Variants in EP400 observed in about 807,000 individuals in gnomAD.
EP400 encodes the protein E1A-binding protein p400.
Under a neutral mutation model 354.1 loss-of-function variants are expected in EP400, and 105 were observed. The observed-to-expected ratio is 0.30, with a 90% confidence interval of 0.25 to 0.35. EP400 has a LOEUF of 0.35. Among genes scored for constraint, EP400 ranks in the 10% least tolerant of loss-of-function variants. The pLI is 1.00. For synonymous variants in EP400, 1,646 were observed against 1,716.9 expected (o/e 0.96, Z 1.02); for missense variants, 3,280 against 4,121.0 (o/e 0.80, Z 5.59).
intron 2 of EP400, among the ~76,000 whole-genome samples, chr12:131,977,731 T>C (rs1278762986): frequency 6.6e-6 from 1 of 152,170 alleles, no homozygotes. Flanking sequence ...TTCTTTCCTT[T>C]TCCATCTTGG....
intron 48 of EP400, 103 bp from the exon 49 acceptor site, chr12:132,066,671 C>T: frequency 8.0e-7 from 1 of 1,246,690 alleles, no homozygotes; most frequent in Non-Finnish European, 1.1e-6. Context: ...CTTTGTTGAT[C>T]TTTGTAAATT....
intron 1 of EP400, among the ~76,000 whole-genome samples, chr12:131,960,306 C>T (rs1422902458): frequency 3.3e-5 from 5 of 152,324 alleles, no homozygotes; most frequent in South Asian, 2.1e-4. Flanking sequence ...TCTCTCCAAG[C>T]GCCCACACAA....
intron 45 of EP400, among the ~76,000 whole-genome samples, chr12:132,059,747 T>G (rs1261545167): frequency 6.6e-6 from 1 of 152,004 alleles, no homozygotes; most frequent in Non-Finnish European, 1.5e-5. Context: ...GGGCGTGGTG[T>G]CTCAACGCCT....
chr12:132,028,632 A>G (rs1412471791), intron 27 of EP400, among the ~76,000 whole-genome samples: 1 of 152,208 alleles, frequency 6.6e-6, no homozygotes, highest in Non-Finnish European at 1.5e-5. Context: ...GAGCCCCATG[A>G]GTGAGTGAAC....
intron 11 of EP400, among the ~76,000 whole-genome samples, chr12:131,993,337 C>G (rs1019546800): frequency 3.3e-5 from 5 of 152,108 alleles, no homozygotes; most frequent in African/African-American, 1.2e-4. Context: ...GTGCTGAATT[C>G]TAGATAGTAC....
Position 132,050,296 on chromosome 12 carries a change from G to C in EP400, c.7201-27G>C, listed in dbSNP as rs183538077. ...CCGTCTGTCCATGCTGCCTAATTCA[G>C]ATGCACTCTCGTCAATTTCATTGCA... On this transcript the variant is annotated intron_variant, in intron 39 of 52. Coordinates refer to ENST00000389561, the MANE Select transcript of EP400 (RefSeq NM_015409.5). The surrounding 1 kb of genome is among the most constrained non-coding windows in gnomAD (Gnocchi z 4.8). 944 of 1,613,456 alleles carry C rather than the reference G, an allele frequency of 5.9e-4. 1 individual carries two copies. Among genetic ancestry groups the C allele is most frequent in the Non-Finnish European group, 6.7e-4 (787 of 1,179,652 alleles).
chr12:132,016,331 G>A lies in EP400; in HGVS notation c.3924-1204G>A, dbSNP rs975995214. ...TGTGTGGGGACTCAGGACTCCAGGC[G>A]CCGTCTCTCCTGTGGAGCCCTCCTG... On this transcript the variant is annotated intron_variant, in intron 19 of 52. Transcript: ENST00000389561. Among the ~76,000 whole-genome samples, 7 of 152,170 alleles carry A rather than the reference G, an allele frequency of 4.6e-5. 1 individual carries two copies. Among genetic ancestry groups the A allele is most frequent in the South Asian group, 4.2e-4 (2 of 4,794 alleles).
intron 2 of EP400, chr12:131,963,591 G>C (rs1332582547): frequency 6.3e-7 from 1 of 1,598,312 alleles, no homozygotes; most frequent in Non-Finnish European, 8.5e-7. Flanking sequence ...TAGCAACCCA[G>C]CTTCCGCCAA....
At chr12:131,963,708 C>T in intron 2 of EP400, 4 of 1,244,490 alleles carry the variant, frequency 3.2e-6, no homozygotes, top group Admixed American at 2.1e-5. Flanking sequence ...ATATTTTAAC[C>T]TTCGATATAC....
chr12:132,006,289 G>A lies in EP400; in HGVS notation c.3113G>A (p.Arg1038Gln). 1 of 1,614,136 alleles carries A rather than the reference G, an allele frequency of 6.2e-7. No individual in the cohort carries two copies. The highest frequency in any genetic ancestry group is 8.5e-7 in the Non-Finnish European group (1 of 1,180,002). ...GCCATCCTGCCGAAGGGCAGTGCTC[G>A]GGTCACAACCTCGGTGAGGCGCTAA... The part of the protein sequence containing the change: ...AEAILPKGSA[R>Q]VTTSVKFNAP... Residue 1038 changes from arginine to glutamine, a missense_variant, in exon 14 of 53, where the codon CGG becomes CAG. Coordinates refer to ENST00000389561, the MANE Select transcript of EP400 (RefSeq NM_015409.5).
At chr12:131,963,615 T>C in intron 2 of EP400, 9 of 1,598,294 alleles carry the variant, frequency 5.6e-6, no homozygotes, top group Non-Finnish European at 6.8e-6. Flanking sequence ...TTTCTGCTGC[T>C]TTTTCATCCC....
At chr12:132,008,396 T>C (rs758206192) in intron 15 of EP400, among the ~76,000 whole-genome samples, 1 of 152,248 alleles carries the variant, frequency 6.6e-6, no homozygotes, top group Non-Finnish European at 1.5e-5. Context: ...ACTTCTGAGC[T>C]TCATATTTTC....
At chr12:131,974,258 C>T (rs1165716866) in intron 2 of EP400, among the ~76,000 whole-genome samples, 2 of 152,038 alleles carry the variant, frequency 1.3e-5, no homozygotes, top group East Asian at 1.9e-4. Context: ...GGATTACAGG[C>T]GTGAGCCACC....
Position 132,031,439 on chromosome 12 carries a change from G to A in EP400, c.5755-514G>A, listed in dbSNP as rs186469288. The A allele has an allele frequency of 1.5e-3, 744 of 509,400 alleles. 1 individual carries two copies. The highest frequency in any genetic ancestry group is 2.2e-3 in the Non-Finnish European group (572 of 254,680). The allele number at this position is 509,400 out of a possible 1,614,324, so 31.6% of individuals were successfully genotyped here. On this transcript the variant is annotated intron_variant, in intron 29 of 52. Coordinates refer to ENST00000389561, the MANE Select transcript of EP400 (RefSeq NM_015409.5). ...TTAAACTGTGCATGAGGGTGTTGGC[G>A]ATGGGTGAGCGTAAGATGATAGTGG...
intron 39 of EP400, among the ~76,000 whole-genome samples, chr12:132,048,519 ATTTTTTT>A (rs35268260): frequency 3.0e-5 from 4 of 133,602 alleles, no homozygotes; most frequent in Non-Finnish European, 6.4e-5. Context: ...TTTGAGAGTG[ATTTTTTT>A]TTTTTTTTTT....
Position 132,037,987 on chromosome 12 carries a change from C to T in EP400, c.6098C>T (p.Pro2033Leu). The T allele has an allele frequency of 1.2e-6, 2 of 1,614,188 alleles. No homozygotes were observed. Among genetic ancestry groups the T allele is most frequent in the South Asian group, 1.1e-5 (1 of 91,078 alleles). Residue 2033 changes from proline (P) to leucine (L), a missense_variant, in exon 32 of 53, where the codon CCC becomes CTC. Physicochemically the swap from Pro to Leu is moderately conservative, Grantham distance 98. Coordinates refer to ENST00000389561, the MANE Select transcript of EP400 (RefSeq NM_015409.5). ...CAGGAGCTGTTTGAAGTTTATTCTC[C>T]CATGGATGATGCTGGCTTCCCGGTC... Reference protein sequence around the residue: ...TIQELFEVYSPMDDAGFPVKA... With the variant: ...TIQELFEVYSLMDDAGFPVKA...
intron 1 of EP400, among the ~76,000 whole-genome samples, chr12:131,950,264 C>G (rs1478100415): frequency 2.0e-5 from 3 of 152,074 alleles, no homozygotes; most frequent in Admixed American, 2.0e-4. Flanking sequence ...GCCCGTCCCC[C>G]GCAGGTCGCG....
At chr12:132,056,052 G>T (rs979986570) in intron 45 of EP400, among the ~76,000 whole-genome samples, 6 of 151,940 alleles carry the variant, frequency 3.9e-5, no homozygotes, top group African/African-American at 1.5e-4. Context: ...GGTAGGTGCA[G>T]CCCACCCAGG....
chr12:131,952,314 AAAAAAAAAAAAG>A (rs1476817820), intron 1 of EP400, among the ~76,000 whole-genome samples: 1 of 149,314 alleles, frequency 6.7e-6, no homozygotes, highest in Non-Finnish European at 1.5e-5. Flanking sequence ...AAAAAAAAAA[AAAAAAAAAAAAG>A]AAAAAGAAAT....
Sources: allele counts gnomAD v4.1 joint callset (sites outside exome capture counted in the v4.1 genomes callset), GRCh38; gene constraint gnomAD v4.1.1; non-coding constraint Gnocchi (gnomAD v3.1); transcripts MANE v1.5; gene names NCBI Gene and HGNC (gene_info 2026-07-23, HGNC 2026-07-21).